The following PKHD1 variants were observed in gnomAD, a reference collection of about 807,000 sequenced individuals.
PKHD1 encodes PKHD1 ciliary IPT domain containing fibrocystin/polyductin.
In PKHD1, 291 loss-of-function variants were observed where a neutral mutation model predicts 412.0. That is an observed-to-expected ratio of 0.71 (90% confidence interval 0.64 to 0.78). The LOEUF is 0.78. Ranked by LOEUF, PKHD1 falls within the 30% of genes least tolerant of loss-of-function variation. The pLI is 0.00. For synonymous variants in PKHD1, 1,777 were observed against 1,821.5 expected, an observed-to-expected ratio of 0.98 and a Z score of 0.62; for missense variants, 4,825 against 4,950.7, an observed-to-expected ratio of 0.97 and a Z score of 0.76.
intron 56 of PKHD1, among the ~76,000 whole-genome samples, chr6:51,754,081 G>A (rs1786560100): frequency 6.6e-6 from 1 of 152,118 alleles, no homozygotes; most frequent in Non-Finnish European, 1.5e-5. Flanking sequence ...AAGTATCAGA[G>A]ACAAAAAGAC....
chr6:51,862,241 T>C (rs906527753), intron 48 of PKHD1, among the ~76,000 whole-genome samples: 15 of 152,176 alleles, frequency 9.9e-5, no homozygotes, highest in African/African-American at 3.6e-4. Context: ...ATTAGGCAAA[T>C]GAAATAAACC....
Position 52,045,024 on chromosome 6 carries a change from C to T in PKHD1, c.2657G>A (p.Gly886Glu). Residue 886 changes from glycine to glutamate, a missense_variant, in exon 25 of 67, where the codon GGA (glycine) becomes GAA (glutamate). By Grantham distance (98) the Gly-to-Glu change is moderately conservative. Transcript: ENST00000371117. ...AAATRVVYDG[G>E]VFLGPIFGDM... Reference sequence around the variant, plus strand: ...TCCAAATATGGGTCCAAGAAAAACTCCACCATCATATACCACACGCGTGGC... The same window carrying T: ...TCCAAATATGGGTCCAAGAAAAACTTCACCATCATATACCACACGCGTGGC... 3 of 1,613,592 alleles carry T rather than the reference C, an allele frequency of 1.9e-6. No homozygotes were observed. The highest frequency in any genetic ancestry group is 2.5e-6 in the Non-Finnish European group (3 of 1,179,552).
intron 57 of PKHD1, among the ~76,000 whole-genome samples, chr6:51,749,700 C>A (rs1785773439): frequency 6.6e-6 from 1 of 152,112 alleles, no homozygotes; most frequent in African/African-American, 2.4e-5. Context: ...GAAGAGTGAA[C>A]TAACAAACTA....
At chr6:51,996,246 T>C in intron 35 of PKHD1, among the ~76,000 whole-genome samples, 1 of 146,548 alleles carries the variant, frequency 6.8e-6, no homozygotes, top group Non-Finnish European at 1.5e-5. Context: ...CCTGACCTCA[T>C]GATCCTCCCG....
chr6:51,909,526 C>T, intron 39 of PKHD1, 52 bp from the exon 40 acceptor site: 14 of 1,356,682 alleles, frequency 1.0e-5, no homozygotes, highest in African/African-American at 1.4e-5. Context: ...AACATGCTTC[C>T]AGACAAATCT....
intron 4 of PKHD1, among the ~76,000 whole-genome samples, chr6:52,080,904 G>C (rs1811936117): frequency 6.6e-6 from 1 of 152,062 alleles, no homozygotes; most frequent in African/African-American, 2.4e-5. Flanking sequence ...TTTTTCAAGT[G>C]GCTAAATAGA....
intron 63 of PKHD1, among the ~76,000 whole-genome samples, chr6:51,647,463 C>T (rs562048358): frequency 6.6e-6 from 1 of 152,204 alleles, no homozygotes; most frequent in African/African-American, 2.4e-5. Context: ...GTAAGTGGAG[C>T]TGGCAGTGGT....
chr6:51,705,907 A>T (rs779870499), intron 60 of PKHD1, among the ~76,000 whole-genome samples: 3 of 152,202 alleles, frequency 2.0e-5, no homozygotes, highest in Non-Finnish European at 4.4e-5. Context: ...TATGTCTTAT[A>T]TACAGACAGG....
chr6:51,745,065 A>G (rs138337708), intron 59 of PKHD1, among the ~76,000 whole-genome samples: 1 of 152,264 alleles, frequency 6.6e-6, no homozygotes, highest in East Asian at 1.9e-4. Flanking sequence ...TAAACAATTA[A>G]TAGATAATTA....
intron 37 of PKHD1, among the ~76,000 whole-genome samples, chr6:51,921,226 T>G (rs185751152): frequency 2.8e-4 from 42 of 152,340 alleles, no homozygotes; most frequent in Middle Eastern, 6.8e-3. Context: ...GAGTATCGAT[T>G]TTAGGTCTTT....
At chr6:52,045,666 T>C (rs533462762) in intron 24 of PKHD1, among the ~76,000 whole-genome samples, 226 of 152,350 alleles carry the variant, frequency 1.5e-3, no homozygotes, top group Non-Finnish European at 1.4e-3. Flanking sequence ...CCTTCTGCTA[T>C]GCCATCTGCT....
At chr6:52,076,383 A>G in intron 5 of PKHD1, 50 bp from the exon 6 acceptor site, 3 of 1,376,466 alleles carry the variant, frequency 2.2e-6, no homozygotes, top group Non-Finnish European at 3.1e-6. Flanking sequence ...AATATTCACA[A>G]ACACAGGAGG....
Position 51,748,681 on chromosome 6 carries a change from T to C in PKHD1, c.8951-16A>G, listed in dbSNP as rs1785581295. 1 of 1,612,098 alleles carries C rather than the reference T, an allele frequency of 6.2e-7. No individual in the cohort carries two copies. On this transcript the variant is annotated splice_polypyrimidine_tract_variant and intron_variant, in intron 57 of 66. Coordinates refer to ENST00000371117, the MANE Select transcript of PKHD1 (RefSeq NM_138694.4). ...TGAAGGACACCTATAAACAAATGCATGTCATCAGGTACTTTCCTCTTCCCC... is the reference window on the plus strand; with the variant it reads ...TGAAGGACACCTATAAACAAATGCACGTCATCAGGTACTTTCCTCTTCCCC...
intron 63 of PKHD1, among the ~76,000 whole-genome samples, chr6:51,643,471 G>T (rs998414993): frequency 6.6e-6 from 1 of 152,150 alleles, no homozygotes; most frequent in African/African-American, 2.4e-5. Context: ...ACAAAAGATA[G>T]ATTGTGTAAG....
chr6:51,722,475 G>A (rs1026822270), intron 60 of PKHD1, among the ~76,000 whole-genome samples: 1 of 152,108 alleles, frequency 6.6e-6, no homozygotes, highest in East Asian at 1.9e-4. Flanking sequence ...AAAAGCAAAG[G>A]CCCTAAACTC....
In PKHD1 at chr6:51,706,383, G is replaced by GCC. The variant is rs1230208560; in HGVS notation, c.10156+38000_10156+38001dup. Among the ~76,000 whole-genome samples, 2 of 151,622 alleles carry GCC rather than the reference G, an allele frequency of 1.3e-5. 1 individual carries two copies. Among genetic ancestry groups the GCC allele is most frequent in the Admixed American group, 1.3e-4 (2 of 15,182 alleles). On this transcript the variant is annotated intron_variant, in intron 60 of 66. Transcript: ENST00000371117. Reference sequence around the variant, plus strand: ...TCCAACCTGTCTAAGAGATACTGCAGCCCAAGTAGGCCCTTCCTTTCTGCT... The same window carrying GCC: ...TCCAACCTGTCTAAGAGATACTGCAGCCCCCAAGTAGGCCCTTCCTTTCTGCT...
At chr6:51,863,183 T>G (rs1365808200) in intron 48 of PKHD1, among the ~76,000 whole-genome samples, 1 of 152,222 alleles carries the variant, frequency 6.6e-6, no homozygotes, top group Admixed American at 6.5e-5. Flanking sequence ...GGATATGACT[T>G]GTACCCACAA....
At chr6:51,724,589 TATCTA>T (rs1330496543) in intron 60 of PKHD1, among the ~76,000 whole-genome samples, 3 of 152,214 alleles carry the variant, frequency 2.0e-5, no homozygotes, top group African/African-American at 7.2e-5. Context: ...TCTATCCATC[TATCTA>T]ATCTATCTAT....
intron 63 of PKHD1, among the ~76,000 whole-genome samples, chr6:51,647,063 A>T (rs1770177472): frequency 6.6e-6 from 1 of 152,086 alleles, no homozygotes; most frequent in African/African-American, 2.4e-5. Context: ...TCTTCCCTTG[A>T]TCTCCCTTAG....
Sources: gnomAD v4.1 joint callset for allele counts (sites outside exome capture counted in the v4.1 genomes callset) on GRCh38, gnomAD v4.1.1 for gene constraint, MANE v1.5 for transcripts, NCBI Gene and HGNC (gene_info 2026-07-23, HGNC 2026-07-21) for gene names.